CTNNA2: variants seen among roughly 807,000 people sequenced by gnomAD.
CTNNA2 encodes the protein catenin alpha-2.
Under a neutral mutation model 101.0 loss-of-function variants are expected in CTNNA2, and 42 were observed. The observed-to-expected ratio is 0.42, with a 90% confidence interval of 0.32 to 0.54. CTNNA2 has a LOEUF of 0.54. Among genes scored for constraint, CTNNA2 ranks in the 20% least tolerant of loss-of-function variants. The pLI is 0.14. For missense variants in CTNNA2, 871 were observed against 1,223.1 expected (o/e 0.71, Z 4.29); for synonymous variants, 450 against 456.4 (o/e 0.99, Z 0.18).
intron 7 of CTNNA2, among the ~76,000 whole-genome samples, chr2:80,056,121 A>T (rs77859838): frequency 0.026 from 3,906 of 152,234 alleles, 157 homozygotes; most frequent in African/African-American, 0.087. Context: ...TCTGATGAGG[A>T]TTGTACAGCT....
chr2:79,657,899 C>T (rs1034252092), intron 2 of CTNNA2, among the ~76,000 whole-genome samples: 5 of 151,692 alleles, frequency 3.3e-5, no homozygotes, highest in African/African-American at 9.7e-5. Context: ...AGACTAGGAT[C>T]AATCTTTTAA....
chr2:80,060,810 C>A (rs993281566), intron 7 of CTNNA2, among the ~76,000 whole-genome samples: 10 of 152,188 alleles, frequency 6.6e-5, no homozygotes, highest in Non-Finnish European at 1.3e-4. Context: ...CACCCACCAG[C>A]TGTCAGGAGT....
chr2:80,443,696 C>T (rs1327690927), intron 9 of CTNNA2, among the ~76,000 whole-genome samples: 1 of 152,176 alleles, frequency 6.6e-6, no homozygotes. Context: ...CAATTTTTCT[C>T]ATCTGTATAA....
At chr2:80,129,882 G>C (rs1380544915) in intron 7 of CTNNA2, among the ~76,000 whole-genome samples, 1 of 152,166 alleles carries the variant, frequency 6.6e-6, no homozygotes, top group Non-Finnish European at 1.5e-5. Context: ...ATCTGGGAGT[G>C]CAAGTAACCT....
At chr2:79,266,379 G>T (rs1674986712) in intron 2 of CTNNA2, among the ~76,000 whole-genome samples, 1 of 152,164 alleles carries the variant, frequency 6.6e-6, no homozygotes, top group Non-Finnish European at 1.5e-5. Context: ...GGACTCAAGT[G>T]TCAGTTACCC....
chr2:80,313,749 A>G (rs1677833860), intron 7 of CTNNA2: 2 of 917,122 alleles, frequency 2.2e-6, no homozygotes, highest in Admixed American at 4.4e-5. Flanking sequence ...TGTGAGTACA[A>G]GGAATATAAT....
chr2:80,505,497 A>G (rs1688203017), intron 9 of CTNNA2, among the ~76,000 whole-genome samples: 1 of 152,246 alleles, frequency 6.6e-6, no homozygotes, highest in African/African-American at 2.4e-5. Flanking sequence ...AATTGAGATC[A>G]TGCATATCAA....
rs563640614 is a variant in CTNNA2 at position 79,199,897 on chromosome 2, T to C, written c.-406+1821T>C. ...AAAAGAAAGATTGTGTGATGTACCA[T>C]AACGGAAATCTAATTCCCTTTTCCC... is the stretch of plus-strand genomic sequence containing the variant. On this transcript the variant is annotated intron_variant, in intron 2 of 21. Transcript: ENST00000466387. Among the ~76,000 whole-genome samples the C allele has an allele frequency of 8.5e-5, 13 of 152,358 alleles. No homozygotes were observed. The East Asian group carries it at 2.3e-3, about 27-fold the overall frequency.
At chr2:80,068,399 T>C (rs1207703630) in intron 7 of CTNNA2, among the ~76,000 whole-genome samples, 1 of 152,344 alleles carries the variant, frequency 6.6e-6, no homozygotes, top group East Asian at 1.9e-4. Flanking sequence ...AAGCTCTTTG[T>C]GGGAAACATG....
At chr2:79,206,110 C>G (rs1042083805) in intron 2 of CTNNA2, among the ~76,000 whole-genome samples, 1 of 152,004 alleles carries the variant, frequency 6.6e-6, no homozygotes, top group Non-Finnish European at 1.5e-5. Context: ...CATTTTTGTT[C>G]ATTTATTTAC....
Position 79,496,155 on chromosome 2 carries a change from A to G in CTNNA2, c.-134-8899A>G, listed in dbSNP as rs375416067. Among the ~76,000 whole-genome samples the G allele has an allele frequency of 2.6e-4, 40 of 152,318 alleles. No individual in the cohort carries two copies. In the South Asian group the frequency reaches 8.1e-3, roughly 31 times the overall value. ...TGGGAAAAATGATTCTAAACAAATA[A>G]TATTCTAAAAAGTATTTTCTGTTAT... On this transcript the variant is annotated intron_variant, in intron 4 of 21. Coordinates refer to the CTNNA2 transcript ENST00000466387.
At chr2:79,394,520 G>T (rs1678209469) in intron 4 of CTNNA2, among the ~76,000 whole-genome samples, 2 of 152,242 alleles carry the variant, frequency 1.3e-5, no homozygotes, top group Admixed American at 6.5e-5. Context: ...ACTTTGGAAA[G>T]TGTCTGAGGA....
chr2:79,494,452 T>TA (rs1461687010), intron 4 of CTNNA2, among the ~76,000 whole-genome samples: 3 of 152,158 alleles, frequency 2.0e-5, no homozygotes, highest in African/African-American at 7.2e-5. Flanking sequence ...AGTACTGGTA[T>TA]AAAAATAGAC....
chr2:80,450,584 C>G (rs980801180), intron 9 of CTNNA2, among the ~76,000 whole-genome samples: 1 of 152,062 alleles, frequency 6.6e-6, no homozygotes, highest in Non-Finnish European at 1.5e-5. Flanking sequence ...CCAAGTCTAT[C>G]TTTTTTCTTG....
At chr2:79,379,841 G>A (rs1678019801) in intron 4 of CTNNA2, among the ~76,000 whole-genome samples, 1 of 152,088 alleles carries the variant, frequency 6.6e-6, no homozygotes, top group Non-Finnish European at 1.5e-5. Context: ...TAACTTTCTG[G>A]AAATGAGAAA....
At chr2:79,943,325 G>A (rs893323101) in intron 7 of CTNNA2, among the ~76,000 whole-genome samples, 1 of 152,080 alleles carries the variant, frequency 6.6e-6, no homozygotes, top group Non-Finnish European at 1.5e-5. Flanking sequence ...GAGGGGAATC[G>A]GTTAAGAATT....
intron 3 of CTNNA2, among the ~76,000 whole-genome samples, chr2:79,836,560 G>T (rs1679378738): frequency 6.6e-6 from 1 of 152,120 alleles, no homozygotes; most frequent in South Asian, 2.1e-4. Flanking sequence ...AACAGCTCTG[G>T]AGGCTAGAAG....
chr2:80,001,061 T>C (rs1410548096), intron 7 of CTNNA2, among the ~76,000 whole-genome samples: 1 of 152,214 alleles, frequency 6.6e-6, no homozygotes, highest in East Asian at 1.9e-4. Context: ...TGCCTTTACT[T>C]GTGGCTTGTT....
chr2:79,485,867 T>G (rs531424979), intron 4 of CTNNA2, among the ~76,000 whole-genome samples: 7 of 152,318 alleles, frequency 4.6e-5, no homozygotes, highest in Non-Finnish European at 8.8e-5. Flanking sequence ...AATAGGAAGT[T>G]TATAACTTCA....
Sources: allele counts gnomAD v4.1 joint callset (sites outside exome capture counted in the v4.1 genomes callset), GRCh38; gene constraint gnomAD v4.1.1; transcripts MANE v1.5; gene names NCBI Gene and HGNC (gene_info 2026-07-23, HGNC 2026-07-21).